TTN: variants seen among roughly 807,000 people sequenced by gnomAD.
TTN encodes titin.
In TTN, 1,525 loss-of-function variants were observed where a neutral mutation model predicts 3,223.0. The ratio of observed to expected loss-of-function variants is 0.47; its 90% CI spans 0.45 to 0.49. The LOEUF is 0.49. Ranked by LOEUF, TTN falls within the 20% of genes least tolerant of loss-of-function variation. The pLI is 0.00. For synonymous variants in TTN, 14,094 were observed against 15,161.0 expected (o/e 0.93, Z 5.17); for missense variants, 40,786 against 43,424.0 (o/e 0.94, Z 5.40).
intron 33 of TTN, 155 bp downstream of exon 33, chr2:178,772,954 G>T: frequency 1.1e-6 from 1 of 876,808 alleles, no homozygotes; most frequent in Non-Finnish European, 1.7e-6. Flanking sequence ...AATTTAGGCT[G>T]GTGGGAATGG....
chr2:178,723,968 A>T lies in TTN; in HGVS notation c.21291T>A (p.Asn7097Lys), dbSNP rs773211607. ...GAGAATTCAACTGCAATGTGCAGAC[A>T]TTATCTGAAAATGTGGTTTGGTACT... Reference protein sequence around the residue: ...GAKYQTTFSDNVCTLQLNSLD... With the variant: ...GAKYQTTFSDKVCTLQLNSLD... Residue 7097 changes from asparagine to lysine, a missense_variant, in exon 73 of 363, where the codon AAT becomes AAA. Coordinates refer to ENST00000589042, the MANE Select transcript of TTN (RefSeq NM_001267550.2). 4 of 1,613,498 alleles carry T rather than the reference A, an allele frequency of 2.5e-6. No homozygotes were observed. Among genetic ancestry groups the T allele is most frequent in the East Asian group, 2.2e-5 (1 of 44,864 alleles).
At position 178,530,878 on chromosome 2, in the gene TTN, G is replaced by C. The variant is rs370476812; in HGVS notation, c.105737C>G (p.Ala35246Gly). Residue 35246 changes from alanine (A) to glycine (G), a missense_variant, in exon 358 of 363, where the codon GCA (alanine) becomes GGA (glycine). Physicochemically the swap from Ala to Gly is moderately conservative, Grantham distance 60. Coordinates refer to ENST00000589042, the MANE Select transcript of TTN (RefSeq NM_001267550.2). Reference sequence around the variant, plus strand: ...TTTCACTCGTTTTGGAGACTTAACTGCTTCTGGGGATTTCACCCGAGGCTC... The same window carrying C: ...TTTCACTCGTTTTGGAGACTTAACTCCTTCTGGGGATTTCACCCGAGGCTC... ...SPEPRVKSPE[A>G]VKSPKRVKSP... is the part of the protein sequence containing the mutation. 46 of 1,613,858 alleles carry C rather than the reference G, an allele frequency of 2.9e-5. 1 individual carries two copies. In the South Asian group the frequency reaches 4.4e-4, roughly 15 times the overall value.
In TTN at chr2:178,764,451, T is replaced by C. The variant is rs1343703959; in HGVS notation, c.9988+76A>G. ...ACTTTTATGAGCTCCAAATTGTATT[T>C]TTAAATGCACTGGGAAAGGACAAAA... is the stretch of plus-strand genomic sequence containing the variant. On this transcript the variant is annotated intron_variant, in intron 42 of 362. Coordinates refer to ENST00000589042, the MANE Select transcript of TTN (RefSeq NM_001267550.2). 3 of 1,612,296 alleles carry C rather than the reference T, an allele frequency of 1.9e-6. No homozygotes were observed. The African/African-American group carries it at 4.0e-5, about 22-fold the overall frequency.
rs1314632891 is a variant in TTN, at chr2:178,571,339, C to G, written c.74793G>C (p.Glu24931Asp). The change falls in exon 326 of 363, where the codon GAG (glutamate) becomes GAC (aspartate). Residue 24931 changes from glutamate (E) to aspartate (D), a missense_variant. Physicochemically the swap from Glu to Asp is conservative, Grantham distance 45. Transcript: ENST00000589042. ...SRDSMEVQWN[E>D]PISDGGSRVI... Reference sequence around the variant, plus strand: ...CTCTACTTCCTCCATCACTGATTGGCTCATTCCATTGTACTTCCATGCTGT... The same window carrying G: ...CTCTACTTCCTCCATCACTGATTGGGTCATTCCATTGTACTTCCATGCTGT... 2 of 1,613,312 alleles carry G rather than the reference C, an allele frequency of 1.2e-6. No individual in the cohort carries two copies. The highest frequency in any genetic ancestry group is 2.7e-5 in the African/African-American group (2 of 74,872).
chr2:178,554,093 C>T lies in TTN; in HGVS notation c.89018G>A (p.Arg29673Gln), dbSNP rs200639218. The change falls in exon 333 of 363, where the codon CGA becomes CAA. Residue 29673 changes from arginine (R) to glutamine (Q), a missense_variant. Arg to Gln is a conservative substitution (Grantham distance 43). Transcript: ENST00000589042. ...SDISGYFLEK[R>Q]DKKSLGWFKV... ...AAACCATCCTAGGCTCTTCTTGTCTCGTTTTTCAAGGAAATAGCCACTTAT... is the reference window on the plus strand; with the variant it reads ...AAACCATCCTAGGCTCTTCTTGTCTTGTTTTTCAAGGAAATAGCCACTTAT... The T allele has an allele frequency of 1.4e-4, 231 of 1,613,742 alleles. 1 individual carries two copies. The highest frequency in any genetic ancestry group is 9.3e-4 in the Admixed American group (56 of 59,996).
rs2154260792 is a variant in TTN at position 178,665,726 on chromosome 2, C to T, written c.35941G>A (p.Glu11981Lys). 7.5e-7 allele frequency: 1 copy of T among 1,339,170 alleles called. No homozygotes were observed. The highest frequency in any genetic ancestry group is 9.5e-7 in the Non-Finnish European group (1 of 1,051,532). The allele number at this position is 1,339,170 out of a possible 1,614,324, so 83.0% of individuals were successfully genotyped here. A position where few individuals can be genotyped will look rare whatever the true frequency, so the allele number is the denominator to read the frequency against. Reference protein sequence around the residue: ...ETPMAAPLEIEIPPTKAPEAM... With the variant: ...ETPMAAPLEIKIPPTKAPEAM... Reference sequence around the variant, plus strand: ...ACGATACCTTTAGTGGGAGGTATTTCAATTTCAAGGGGAGCAGCCATGGGT... The same window carrying T: ...ACGATACCTTTAGTGGGAGGTATTTTAATTTCAAGGGGAGCAGCCATGGGT... The change falls in exon 164 of 363, where the codon GAA (glutamate) becomes AAA (lysine). Residue 11981 changes from glutamate to lysine, a missense_variant. Physicochemically the swap from Glu to Lys is moderately conservative, Grantham distance 56. Coordinates refer to ENST00000589042, the MANE Select transcript of TTN (RefSeq NM_001267550.2).
intron 205 of TTN, 24 bp downstream of exon 205, chr2:178,651,860 C>T (rs1369384022): frequency 7.5e-6 from 12 of 1,600,788 alleles, no homozygotes; most frequent in Non-Finnish European, 1.7e-6. Flanking sequence ...GCCGAGGTGT[C>T]CTAGCAGCTT....
At chr2:178,692,203 A>G in intron 120 of TTN, 104 bp from the exon 121 acceptor site, 1 of 1,133,038 alleles carries the variant, frequency 8.8e-7, no homozygotes, top group Non-Finnish European at 1.3e-6. Flanking sequence ...TGTGAGAATT[A>G]GGAAGTAATT....
At position 178,576,537 on chromosome 2, in the gene TTN, T is replaced by C; in HGVS notation, c.69707A>G (p.Asp23236Gly). 1 of 1,612,894 alleles carries C rather than the reference T, an allele frequency of 6.2e-7. No individual in the cohort carries two copies. The highest frequency in any genetic ancestry group is 8.5e-7 in the Non-Finnish European group (1 of 1,179,514). Reference protein sequence around the residue: ...SEASDSVLMKDAAYPPGPPSN... With the variant: ...SEASDSVLMKGAAYPPGPPSN... ...AAAAGACAAATACTAACATGCTGCA[T>C]CTTTCATCAGAACAGAATCTGAAGC... The change falls in exon 325 of 363, where the codon GAT becomes GGT. Residue 23236 changes from aspartate (D) to glycine (G), a missense_variant. Physicochemically the swap from Asp to Gly is moderately conservative, Grantham distance 94. Coordinates refer to ENST00000589042, the MANE Select transcript of TTN (RefSeq NM_001267550.2). This position sits in a 1 kb window ranked among gnomAD's most constrained non-coding sequence, Gnocchi z 4.3.
chr2:178,783,809 C>T lies in TTN; in HGVS notation c.2776-24G>A, dbSNP rs748075088. 14 of 1,595,510 alleles carry T rather than the reference C, an allele frequency of 8.8e-6. No homozygotes were observed. In the Admixed American group the frequency reaches 2.2e-4, roughly 25 times the overall value. On this transcript the variant is annotated intron_variant, in intron 16 of 362. Coordinates refer to ENST00000589042, the MANE Select transcript of TTN (RefSeq NM_001267550.2). Reference sequence around the variant, plus strand: ...ACCTAGATTTTTACAAATTATATTACAAAATGCTCATGAAATTAAGGGAAA... The same window carrying T: ...ACCTAGATTTTTACAAATTATATTATAAAATGCTCATGAAATTAAGGGAAA...
At position 178,588,055 on chromosome 2, in the gene TTN, G is replaced by C; in HGVS notation, c.63352C>G (p.Arg21118Gly). Residue 21118 changes from arginine (R) to glycine (G), a missense_variant, in exon 305 of 363, where the codon CGG becomes GGG. Transcript: ENST00000589042. ...ACAAGCTGTGCTGCAGCATTACACC[G>C]TTTCCAGCCTTCATCAGGAGACGCA... is the stretch of plus-strand genomic sequence containing the variant. ...ADASPDEGWKRCNAAAQLVRK... is the reference protein window; with the variant it reads ...ADASPDEGWKGCNAAAQLVRK... 1 of 1,612,928 alleles carries C rather than the reference G, an allele frequency of 6.2e-7. No individual in the cohort carries two copies. Among genetic ancestry groups the C allele is most frequent in the African/African-American group, 1.3e-5 (1 of 74,950 alleles).
intron 282 of TTN, among the ~76,000 whole-genome samples, chr2:178,602,917 C>A (rs2053836626): frequency 2.6e-5 from 4 of 151,932 alleles, no homozygotes; most frequent in Admixed American, 6.6e-5. Flanking sequence ...TCTACAATAG[C>A]CTTTACTGAA....
chr2:178,620,355 G>C lies in TTN; in HGVS notation c.46166C>G (p.Ala15389Gly). Reference sequence around the variant, plus strand: ...CAAGTGTTCCACAAATTCTGTCGGGGCTTCTATGATGAGAAGCTCAGCAAC... The same window carrying C: ...CAAGTGTTCCACAAATTCTGTCGGGCCTTCTATGATGAGAAGCTCAGCAAC... ...KSVAELLIIE[A>G]PTEFVEHLED... Residue 15389 changes from alanine to glycine, a missense_variant, in exon 248 of 363, where the codon GCC becomes GGC. Coordinates refer to ENST00000589042, the MANE Select transcript of TTN (RefSeq NM_001267550.2). The C allele has an allele frequency of 6.2e-7, 1 of 1,606,266 alleles. No individual in the cohort carries two copies.
In TTN at chr2:178,636,719, C is replaced by T. The variant is rs1464359988; in HGVS notation, c.41008G>A (p.Asp13670Asn). The change falls in exon 225 of 363, where the codon GAT becomes AAT. Residue 13670 changes from aspartate to asparagine, a missense_variant. Physicochemically the swap from Asp to Asn is conservative, Grantham distance 23 (BLOSUM62 1). Transcript: ENST00000589042. The surrounding 1 kb of genome is among the most constrained non-coding windows in gnomAD (Gnocchi z 4.3). ...AGCTGGTAGGTGAACGGGGCTTCAT[C>T]AGGAGGTTTCTCTCCACCACTTCCT... ...RPGSGGEKPP[D>N]EAPFTYQLKA... 8 of 1,612,976 alleles carry T rather than the reference C, an allele frequency of 5.0e-6. No individual in the cohort carries two copies. Among genetic ancestry groups the T allele is most frequent in the Non-Finnish European group, 6.8e-6 (8 of 1,179,382 alleles).
At chr2:178,554,259 T>C (rs147415862) in intron 332 of TTN, 43 bp from the exon 333 acceptor site, 1 of 1,513,026 alleles carries the variant, frequency 6.6e-7, no homozygotes, top group East Asian at 2.3e-5. Flanking sequence ...GAATCCACAT[T>C]ACTGATAAAT....
intron 354 of TTN, 92 bp downstream of exon 354, chr2:178,538,448 A>G: frequency 7.8e-7 from 1 of 1,276,964 alleles, no homozygotes; most frequent in Non-Finnish European, 1.1e-6. Flanking sequence ...CTCTCCAATA[A>G]AGCTTTCCAG....
At chr2:178,580,809 G>C (rs1460304255) in intron 316 of TTN, 200 bp from the exon 317 acceptor site, 1 of 586,684 alleles carries the variant, frequency 1.7e-6, no homozygotes, top group Non-Finnish European at 2.8e-6. Flanking sequence ...TATGCTTTAG[G>C]CTTAACCAGG....
At chr2:178,718,640 A>G (rs1560645675) in intron 84 of TTN, 40 bp from the exon 85 acceptor site, 1 of 1,602,876 alleles carries the variant, frequency 6.2e-7, no homozygotes, top group East Asian at 2.2e-5. Flanking sequence ...CTTGCCTTCT[A>G]ATGAAGACTT....
chr2:178,560,202 T>C lies in TTN; in HGVS notation c.85930A>G (p.Arg28644Gly). The C allele has an allele frequency of 5.0e-6, 8 of 1,613,800 alleles. No individual in the cohort carries two copies. The highest frequency in any genetic ancestry group is 6.8e-6 in the Non-Finnish European group (8 of 1,179,782). ...SLPSETSPLI[R>G]AEDPVFLPSP... ...GGTAGGAACACTGGATCTTCTGCCC[T>C]AATTAAGGGAGAGGTTTCACTTGGA... The change falls in exon 326 of 363, where the codon AGG becomes GGG. Residue 28644 changes from arginine (R) to glycine (G), a missense_variant. By Grantham distance (125) the Arg-to-Gly change is moderately radical. Coordinates refer to ENST00000589042, the MANE Select transcript of TTN (RefSeq NM_001267550.2).
Sources: gnomAD v4.1 joint callset for allele counts (sites outside exome capture counted in the v4.1 genomes callset) on GRCh38, gnomAD v4.1.1 for gene constraint, Gnocchi (gnomAD v3.1) non-coding constraint, MANE v1.5 for transcripts, NCBI Gene and HGNC (gene_info 2026-07-23, HGNC 2026-07-21) for gene names.